RBFOX1: variants seen among roughly 807,000 people sequenced by gnomAD.
RBFOX1 encodes the protein RNA binding protein fox-1 homolog 1.
Under a neutral mutation model 57.7 loss-of-function variants are expected in RBFOX1, and 8 were observed. The observed-to-expected ratio is 0.14, with a 90% CI of 0.08 to 0.25. The LOEUF (loss-of-function observed/expected upper bound fraction) is 0.25, where lower values mean the gene tolerates loss of function less well. Among genes scored for constraint, RBFOX1 ranks in the 10% least tolerant of loss-of-function variants. The pLI, the probability that RBFOX1 is intolerant of heterozygous loss-of-function variation, is 1.00. For missense variants in RBFOX1, 611 were observed against 548.5 expected (o/e 1.11, Z -1.14); for synonymous variants, 326 against 222.4 (o/e 1.47, Z -4.15).
At chr16:7,081,834 T>G (rs548220293) in intron 4 of RBFOX1, among the ~76,000 whole-genome samples, 2 of 152,200 alleles carry the variant, frequency 1.3e-5, no homozygotes, top group African/African-American at 4.8e-5. Context: ...TGAACTAATA[T>G]GTTTAACCAT....
chr16:6,661,226 A>C (rs8057575), intron 3 of RBFOX1, among the ~76,000 whole-genome samples: 42,406 of 152,106 alleles, frequency 0.28, 6,083 homozygotes, highest in African/African-American at 0.33. Flanking sequence ...CAAGAGACTT[A>C]CAAGACTTGA....
intron 4 of RBFOX1, among the ~76,000 whole-genome samples, chr16:7,203,132 C>G (rs1414077299): frequency 6.6e-6 from 1 of 152,134 alleles, no homozygotes; most frequent in Non-Finnish European, 1.5e-5. Context: ...AAATATGGGA[C>G]TAATACAAGT....
At chr16:6,392,616 C>A (rs901111772) in intron 2 of RBFOX1, among the ~76,000 whole-genome samples, 1 of 152,198 alleles carries the variant, frequency 6.6e-6, no homozygotes, top group Non-Finnish European at 1.5e-5. Context: ...CTCCTCCGCA[C>A]ACTGAGGAAC....
intron 2 of RBFOX1, among the ~76,000 whole-genome samples, chr16:6,621,267 T>C (rs538039844): frequency 0.047 from 7,203 of 152,104 alleles, 215 homozygotes; most frequent in African/African-American, 0.05. Flanking sequence ...GGAGAGTATC[T>C]TGGCTAACAC....
intron 5 of RBFOX1, among the ~76,000 whole-genome samples, chr16:7,564,268 G>C (rs1009583892): frequency 2.0e-5 from 3 of 152,070 alleles, no homozygotes; most frequent in Non-Finnish European, 4.4e-5. Context: ...AGCCGGGCGT[G>C]GTGGCTCACC....
At chr16:7,312,549 C>G (rs1603618532) in intron 4 of RBFOX1, among the ~76,000 whole-genome samples, 1 of 152,308 alleles carries the variant, frequency 6.6e-6, no homozygotes, top group South Asian at 2.1e-4. Flanking sequence ...TTGGGTGTCA[C>G]TCCGGGTCTT....
intron 2 of RBFOX1, among the ~76,000 whole-genome samples, chr16:5,514,043 G>T (rs9930112): frequency 0.19 from 29,028 of 152,088 alleles, 3,149 homozygotes; most frequent in African/African-American, 0.31. Context: ...GTATTTAATG[G>T]ACTGAAGCTA....
chr16:7,001,734 G>A (rs9929934), intron 3 of RBFOX1, among the ~76,000 whole-genome samples: 16,568 of 152,194 alleles, frequency 0.11, 2,462 homozygotes, highest in African/African-American at 0.34. Flanking sequence ...TGGGATCACA[G>A]GGATGCGTCA....
intron 3 of RBFOX1, among the ~76,000 whole-genome samples, chr16:6,922,531 T>A (rs74816773): frequency 0.01 from 1,541 of 152,326 alleles, 31 homozygotes; most frequent in African/African-American, 0.036. Context: ...TCTTTTATTT[T>A]CCTGCGTCTG....
chr16:7,580,735 CT>C (rs1344808463), intron 6 of RBFOX1, among the ~76,000 whole-genome samples: 1 of 152,174 alleles, frequency 6.6e-6, no homozygotes, highest in Non-Finnish European at 1.5e-5. Flanking sequence ...TTTGCCATTT[CT>C]TTGACCAGTG....
intron 3 of RBFOX1, among the ~76,000 whole-genome samples, chr16:6,920,295 G>C (rs1163099296): frequency 6.6e-6 from 1 of 152,166 alleles, no homozygotes; most frequent in Non-Finnish European, 1.5e-5. Context: ...ATATCCAGTA[G>C]TGGGATTGCT....
intron 4 of RBFOX1, among the ~76,000 whole-genome samples, chr16:7,165,974 A>ACACG (rs143812643): frequency 2.7e-5 from 4 of 150,362 alleles, no homozygotes; most frequent in Non-Finnish European, 5.9e-5. Flanking sequence ...ACATACATAC[A>ACACG]TACACCCCAG....
chr16:5,577,519 T>C (rs1359733921), intron 2 of RBFOX1, among the ~76,000 whole-genome samples: 5 of 152,206 alleles, frequency 3.3e-5, no homozygotes, highest in African/African-American at 1.2e-4. Flanking sequence ...ATCCCCAGAA[T>C]GAATAATCTA....
At chr16:7,399,278 T>A (rs539961342) in intron 4 of RBFOX1, among the ~76,000 whole-genome samples, 2,745 of 152,182 alleles carry the variant, frequency 0.018, 71 homozygotes, top group African/African-American at 0.061. Context: ...AGAAACCCCA[T>A]CTCTACTAAA....
In RBFOX1 at chr16:7,036,223, AG is replaced by A. The variant is rs1284073460; in HGVS notation, c.-15-15833del. Among the ~76,000 whole-genome samples the A allele has an allele frequency of 2.7e-5, 4 of 150,414 alleles. No homozygotes were observed. The East Asian group carries it at 7.8e-4, about 29-fold the overall frequency. ...TGACATTTTTTTTTTTTTCCATGAC[AG>A]CCTTGTAGTTGTTACATGATTTATT... On this transcript the variant is annotated intron_variant, in intron 3 of 15. Coordinates refer to ENST00000550418, the MANE Select transcript of RBFOX1 (RefSeq NM_018723.4).
At chr16:5,432,980 T>G (rs1372055152) in intron 1 of RBFOX1, among the ~76,000 whole-genome samples, 3 of 152,106 alleles carry the variant, frequency 2.0e-5, no homozygotes, top group Non-Finnish European at 2.9e-5. Flanking sequence ...CAGACAGGGT[T>G]TCACCATGTT....
chr16:5,673,906 A>G (rs1229676783), intron 3 of RBFOX1, among the ~76,000 whole-genome samples: 1 of 152,194 alleles, frequency 6.6e-6, no homozygotes, highest in Non-Finnish European at 1.5e-5. Context: ...TCTCTTCTGC[A>G]TCAAGGCTGG....
Position 5,900,955 on chromosome 16 carries a change from C to G in RBFOX1, c.351+33620C>G, listed in dbSNP as rs78617233. Among the ~76,000 whole-genome samples, 1,004 of 152,312 alleles carry G rather than the reference C, an allele frequency of 6.6e-3. 32 individuals are homozygous for G. In the East Asian group the frequency reaches 0.1, roughly 16 times the overall value. On this transcript the variant is annotated intron_variant, in intron 4 of 19. Coordinates refer to the RBFOX1 transcript ENST00000641259. ...GGGAGAGACTGACAGTGCAGTGGCT[C>G]TATCTCAGAGGTGGCATGTGAGAAG...
intron 4 of RBFOX1, among the ~76,000 whole-genome samples, chr16:7,109,195 TA>T (rs1436584193): frequency 1.3e-5 from 2 of 152,146 alleles, no homozygotes; most frequent in African/African-American, 4.8e-5. Flanking sequence ...GAAAAATAGA[TA>T]AAACAAGTAT....
Sources: allele counts gnomAD v4.1 joint callset (sites outside exome capture counted in the v4.1 genomes callset), GRCh38; gene constraint gnomAD v4.1.1; transcripts MANE v1.5; gene names NCBI Gene and HGNC (gene_info 2026-07-23, HGNC 2026-07-21).